Variants in SGCD observed in about 807,000 individuals in gnomAD.
The protein encoded by SGCD is sarcoglycan delta, also known as delta-sarcoglycan.
In SGCD, 18 loss-of-function variants were observed where a neutral mutation model predicts 36.6. That is an observed-to-expected ratio of 0.49 (90% CI 0.34 to 0.73). SGCD has a LOEUF of 0.73. Among genes scored for constraint, SGCD ranks in the 30% least tolerant of loss-of-function variants. The pLI is 0.01. For synonymous variants in SGCD, 133 were observed against 130.6 expected, an observed-to-expected ratio of 1.02 and a Z score of -0.12; for missense variants, 387 against 346.7, an observed-to-expected ratio of 1.12 and a Z score of -0.92.
At chr5:156,750,609 G>A (rs780592271) in intron 7 of SGCD, among the ~76,000 whole-genome samples, 36 of 149,462 alleles carry the variant, frequency 2.4e-4, no homozygotes, top group Middle Eastern at 3.4e-3. Context: ...TTGCGCCACC[G>A]CACTTCAGCC....
chr5:156,022,900 GCA>G (rs1759138629), intron 1 of SGCD, among the ~76,000 whole-genome samples: 1 of 152,074 alleles, frequency 6.6e-6, no homozygotes, highest in South Asian at 2.1e-4. Flanking sequence ...ACTATGAATC[GCA>G]CAGAGTGAAA....
intron 7 of SGCD, among the ~76,000 whole-genome samples, chr5:156,688,641 A>G (rs1228820502): frequency 1.3e-5 from 2 of 152,340 alleles, no homozygotes; most frequent in South Asian, 2.1e-4. Context: ...CACAGTGAAG[A>G]AACTCTGGTT....
chr5:156,755,317 A>AAGTAT (rs1326099765), intron 7 of SGCD, among the ~76,000 whole-genome samples: 1 of 152,202 alleles, frequency 6.6e-6, no homozygotes, highest in Non-Finnish European at 1.5e-5. Context: ...GGTGAGCAGG[A>AAGTAT]AGTATAGTAA....
chr5:156,757,438 T>C, intron 7 of SGCD, 143 bp from the exon 8 acceptor site: 1 of 587,886 alleles, frequency 1.7e-6, no homozygotes, highest in South Asian at 2.5e-5. Context: ...TGTCATAAAC[T>C]TGACCAGGTT....
intron 3 of SGCD, among the ~76,000 whole-genome samples, chr5:156,460,332 G>T (rs949423728): frequency 1.3e-5 from 2 of 152,080 alleles, no homozygotes; most frequent in African/African-American, 4.8e-5. Context: ...CCTTTTAAAG[G>T]TTTAAAATTT....
At chr5:156,193,634 C>T (rs1168686921) in intron 3 of SGCD, among the ~76,000 whole-genome samples, 2 of 152,162 alleles carry the variant, frequency 1.3e-5, no homozygotes, top group Non-Finnish European at 2.9e-5. Flanking sequence ...CGTCTTGTTA[C>T]AGGATTCTCC....
intron 1 of SGCD, among the ~76,000 whole-genome samples, chr5:156,020,828 A>C (rs556656333): frequency 6.6e-6 from 1 of 152,196 alleles, no homozygotes; most frequent in Non-Finnish European, 1.5e-5. Flanking sequence ...GATTATTTTC[A>C]TTTCACAGTT....
chr5:155,803,641 T>C, the SGCD span, among the ~76,000 whole-genome samples: 1 of 152,204 alleles, frequency 6.6e-6, no homozygotes, highest in African/African-American at 2.4e-5. Context: ...ATATAGTTTA[T>C]CTAATTCTTG....
chr5:156,538,937 T>G (rs12521822), intron 4 of SGCD, among the ~76,000 whole-genome samples: 16,205 of 151,960 alleles, frequency 0.11, 1,147 homozygotes, highest in Admixed American at 0.17. Context: ...AACTAACAGT[T>G]TTATATATTA....
At chr5:156,350,595 T>C (rs764353454) in intron 3 of SGCD, among the ~76,000 whole-genome samples, 4 of 152,092 alleles carry the variant, frequency 2.6e-5, no homozygotes, top group Non-Finnish European at 4.4e-5. Context: ...GAAGAAAAGT[T>C]ATTTTGCTTT....
intron 3 of SGCD, among the ~76,000 whole-genome samples, chr5:156,388,441 C>T (rs1553534): frequency 0.55 from 82,863 of 151,938 alleles, 22,816 homozygotes; most frequent in Middle Eastern, 0.62. Flanking sequence ...AGTAATCAAA[C>T]GACTATCAGA....
chr5:156,245,734 T>C (rs1581192524), intron 3 of SGCD, among the ~76,000 whole-genome samples: 2 of 151,652 alleles, frequency 1.3e-5, no homozygotes, highest in East Asian at 1.9e-4. Context: ...AAGTCCAGAA[T>C]GGAGAAATTC....
chr5:156,263,036 G>T (rs530242459), intron 3 of SGCD, among the ~76,000 whole-genome samples: 1 of 151,812 alleles, frequency 6.6e-6, no homozygotes, highest in Non-Finnish European at 1.5e-5. Flanking sequence ...TTTTGCAATT[G>T]TGAATTGCAC....
chr5:156,035,160 G>A (rs1032155615), intron 1 of SGCD, among the ~76,000 whole-genome samples: 3 of 152,182 alleles, frequency 2.0e-5, no homozygotes, highest in Non-Finnish European at 2.9e-5. Flanking sequence ...TCCTCGGTGA[G>A]TCTGTTTGTT....
At chr5:156,385,537 A>C (rs1278540083) in intron 3 of SGCD, among the ~76,000 whole-genome samples, 1 of 152,236 alleles carries the variant, frequency 6.6e-6, no homozygotes, top group Non-Finnish European at 1.5e-5. Flanking sequence ...TTATTTTCAC[A>C]ATATATTTGG....
intron 1 of SGCD, among the ~76,000 whole-genome samples, chr5:156,113,745 A>G (rs1159770583): frequency 6.6e-6 from 1 of 152,160 alleles, no homozygotes; most frequent in Non-Finnish European, 1.5e-5. Flanking sequence ...AATTACCCAA[A>G]ACTGGAAGGA....
chr5:156,740,276 T>G (rs1451601310), intron 7 of SGCD, among the ~76,000 whole-genome samples: 1 of 152,214 alleles, frequency 6.6e-6, no homozygotes, highest in Non-Finnish European at 1.5e-5. Context: ...GGTTCATTAG[T>G]GTTGATCAAA....
intron 1 of SGCD, among the ~76,000 whole-genome samples, chr5:156,078,579 T>TTATATATATATTTATATTTA (rs35525705): frequency 3.2e-4 from 44 of 136,700 alleles, no homozygotes; most frequent in African/African-American, 2.6e-4. Context: ...ATATTTATAT[T>TTATATATATATTTATATTTA]TATATATATT....
the SGCD span, among the ~76,000 whole-genome samples, chr5:155,840,471 A>G: frequency 8.0e-5 from 9 of 112,898 alleles, no homozygotes; most frequent in East Asian, 2.0e-3. Context: ...TTGTATTTTT[A>G]GTAGAGACGG....
Sources: allele counts gnomAD v4.1 joint callset (sites outside exome capture counted in the v4.1 genomes callset), GRCh38; gene constraint gnomAD v4.1.1; transcripts MANE v1.5; gene names NCBI Gene and HGNC (gene_info 2026-07-23, HGNC 2026-07-21).